ZHX2: variants seen among roughly 807,000 people sequenced by gnomAD.
The protein encoded by ZHX2 is zinc fingers and homeoboxes 2, also known as zinc fingers and homeoboxes protein 2.
Under a neutral mutation model 21.9 loss-of-function variants are expected in ZHX2, and 6 were observed. That is an observed-to-expected ratio of 0.27 (90% confidence interval 0.15 to 0.54). The LOEUF (loss-of-function observed/expected upper bound fraction) is 0.54, where lower values mean the gene tolerates loss of function less well. Ranked by LOEUF, ZHX2 falls within the 20% of genes least tolerant of loss-of-function variation. ZHX2 has a pLI of 0.95. For synonymous variants in ZHX2, 434 were observed against 437.1 expected (o/e 0.99, Z 0.09); for missense variants, 908 against 1,090.7 (o/e 0.83, Z 2.36).
intron 1 of ZHX2, among the ~76,000 whole-genome samples, chr8:122,844,602 GT>G (rs1439262550): frequency 6.6e-6 from 1 of 152,212 alleles, no homozygotes; most frequent in Non-Finnish European, 1.5e-5. Context: ...GACGAGGGAG[GT>G]AGAAGGAGGT....
Position 122,951,477 on chromosome 8 carries a change from T to A in ZHX2, c.-34T>A. 1.3e-6 allele frequency: 2 copies of A among 1,547,442 alleles called. No individual in the cohort carries two copies. The highest frequency in any genetic ancestry group is 1.8e-6 in the Non-Finnish European group (2 of 1,132,006). On this transcript the variant is annotated 5_prime_UTR_variant, in exon 3 of 4. Transcript: ENST00000314393. The stretch of plus-strand genomic sequence containing the variant: ...TCTCACCGCCCCCTCCTTATCCCCC[T>A]CCAAAAATAAGCCATTGCACACAGA...
Position 122,952,452 on chromosome 8 carries a change from C to T in ZHX2, c.942C>T (p.Arg314=). ...EHIRIWFATQ[R]LKHGISWSPE... Reference sequence around the variant, plus strand: ...TCAGAATCTGGTTTGCCACCCAGCGCTTAAAGCATGGCATCAGCTGGTCCC... The same window carrying T: ...TCAGAATCTGGTTTGCCACCCAGCGTTTAAAGCATGGCATCAGCTGGTCCC... The change falls in exon 3 of 4, where the codon CGC becomes CGT. Residue 314 remains arginine, a synonymous_variant. Coordinates refer to ENST00000314393, the MANE Select transcript of ZHX2 (RefSeq NM_014943.5). This position sits in a 1 kb window ranked among gnomAD's most constrained non-coding sequence, Gnocchi z 6.9. 6.2e-7 allele frequency: 1 copy of T among 1,614,206 alleles called. No individual in the cohort carries two copies. Among genetic ancestry groups the T allele is most frequent in the Non-Finnish European group, 8.5e-7 (1 of 1,180,044 alleles).
At chr8:122,891,265 G>A (rs1188325750) in intron 2 of ZHX2, among the ~76,000 whole-genome samples, 1 of 130,078 alleles carries the variant, frequency 7.7e-6, no homozygotes, top group Non-Finnish European at 1.6e-5. Context: ...TTCAATCTTG[G>A]TAGATTGTGT....
At chr8:122,853,741 C>T (rs1818960152) in intron 1 of ZHX2, among the ~76,000 whole-genome samples, 1 of 152,094 alleles carries the variant, frequency 6.6e-6, no homozygotes, top group Non-Finnish European at 1.5e-5. Context: ...TCCATGCAAC[C>T]TCCTCCCACC....
intron 2 of ZHX2, among the ~76,000 whole-genome samples, chr8:122,900,328 G>A (rs1820198282): frequency 6.6e-6 from 1 of 152,200 alleles, no homozygotes; most frequent in African/African-American, 2.4e-5. Flanking sequence ...AGATCACATG[G>A]TGAGGGAGAA....
intron 3 of ZHX2, among the ~76,000 whole-genome samples, chr8:122,965,320 G>T (rs1813553775): frequency 6.6e-6 from 1 of 152,040 alleles, no homozygotes; most frequent in Middle Eastern, 3.2e-3. Flanking sequence ...TGCTTTTGCT[G>T]TATCCCAGAG....
At chr8:122,852,667 G>A (rs925772036) in intron 1 of ZHX2, among the ~76,000 whole-genome samples, 4 of 152,140 alleles carry the variant, frequency 2.6e-5, no homozygotes, top group African/African-American at 9.7e-5. Context: ...TTTTGAGACC[G>A]AGAATCTGGG....
chr8:122,918,575 G>A (rs1028571829), intron 2 of ZHX2, among the ~76,000 whole-genome samples: 1 of 152,214 alleles, frequency 6.6e-6, no homozygotes, highest in African/African-American at 2.4e-5. Context: ...AGGCTGTGCA[G>A]GCCAGGTCTT....
intron 1 of ZHX2, among the ~76,000 whole-genome samples, chr8:122,786,232 C>T (rs1351136361): frequency 1.3e-5 from 2 of 152,162 alleles, no homozygotes; most frequent in African/African-American, 4.8e-5. Flanking sequence ...TTGCCTTTTT[C>T]CTGACCTTTG....
At chr8:122,875,159 A>ATCCT (rs1819539591) in intron 2 of ZHX2, among the ~76,000 whole-genome samples, 1 of 22,660 alleles carries the variant, frequency 4.4e-5, no homozygotes, top group African/African-American at 2.1e-4. Context: ...ATATATATAT[A>ATCCT]TATATATATA....
chr8:122,811,158 T>C (rs367839686), intron 1 of ZHX2, among the ~76,000 whole-genome samples: 1 of 152,154 alleles, frequency 6.6e-6, no homozygotes, highest in East Asian at 1.9e-4. Context: ...GGTGGGTGGA[T>C]TGCCTGAGCT....
intron 3 of ZHX2, among the ~76,000 whole-genome samples, chr8:122,958,958 G>C (rs1422091886): frequency 6.6e-6 from 1 of 152,226 alleles, no homozygotes; most frequent in Non-Finnish European, 1.5e-5. Context: ...TGTTTCATGA[G>C]AGTAGTGCAC....
chr8:122,934,774 T>C (rs1812637527), intron 2 of ZHX2, among the ~76,000 whole-genome samples: 1 of 151,286 alleles, frequency 6.6e-6, no homozygotes, highest in African/African-American at 2.4e-5. Flanking sequence ...CTGCAACCTC[T>C]GCCTCCCGTG....
rs1401735333 is a variant in ZHX2 at position 122,782,571 on chromosome 8, C to T, written c.-283+625C>T. Among the ~76,000 whole-genome samples the T allele has an allele frequency of 6.6e-6, 1 of 152,204 alleles. No individual in the cohort carries two copies. The highest frequency in any genetic ancestry group is 1.5e-5 in the Non-Finnish European group (1 of 68,018). On this transcript the variant is annotated intron_variant, in intron 1 of 3. Transcript: ENST00000314393. This position sits in a 1 kb window ranked among gnomAD's most constrained non-coding sequence, Gnocchi z 5.3. ...TTCGCCGTAATGTGGTGGCAGGAAG[C>T]ATGACGCCGTGGGCCGAGGCTGCCT... is the stretch of plus-strand genomic sequence containing the variant.
chr8:122,888,599 C>T (rs934856523), intron 2 of ZHX2, among the ~76,000 whole-genome samples: 28 of 152,192 alleles, frequency 1.8e-4, no homozygotes, highest in Admixed American at 1.8e-3. Flanking sequence ...TCTCCTGCCT[C>T]AGTCTCCTGA....
chr8:122,796,924 G>T (rs898658333), intron 1 of ZHX2, among the ~76,000 whole-genome samples: 1 of 152,194 alleles, frequency 6.6e-6, no homozygotes, highest in African/African-American at 2.4e-5. Context: ...CTAAGTCCGT[G>T]CTGTCTCCAG....
intron 2 of ZHX2, among the ~76,000 whole-genome samples, chr8:122,915,481 T>C (rs1441736571): frequency 1.3e-5 from 2 of 152,212 alleles, no homozygotes; most frequent in Non-Finnish European, 2.9e-5. Context: ...AGATCATTTA[T>C]GGGAAATAGT....
At chr8:122,868,926 G>A (rs1254327751) in intron 2 of ZHX2, among the ~76,000 whole-genome samples, 1 of 152,180 alleles carries the variant, frequency 6.6e-6, no homozygotes. Flanking sequence ...ATGGCTGGAG[G>A]AGCAGCACCC....
intron 2 of ZHX2, among the ~76,000 whole-genome samples, chr8:122,918,172 C>T (rs1200788426): frequency 6.6e-6 from 1 of 152,158 alleles, no homozygotes; most frequent in Non-Finnish European, 1.5e-5. Context: ...AGTACCAATC[C>T]CATGTGACAG....
Sources: allele counts gnomAD v4.1 joint callset (sites outside exome capture counted in the v4.1 genomes callset), GRCh38; gene constraint gnomAD v4.1.1; non-coding constraint Gnocchi (gnomAD v3.1); transcripts MANE v1.5; gene names NCBI Gene and HGNC (gene_info 2026-07-23, HGNC 2026-07-21).